Variants in RAP1GDS1 observed in about 807,000 individuals in gnomAD.
RAP1GDS1 encodes Rap1 GTPase-GDP dissociation stimulator 1.
A neutral mutation model predicts 71.1 loss-of-function variants in RAP1GDS1; 35 were observed. That is an observed-to-expected ratio of 0.49 (90% CI 0.38 to 0.65). The LOEUF is 0.65. Among genes scored for constraint, RAP1GDS1 ranks in the 30% least tolerant of loss-of-function variants. The probability of loss-of-function intolerance (pLI) is 0.00; values close to 1 mark genes in which losing one functional copy is unlikely to be tolerated. For synonymous variants in RAP1GDS1, 229 were observed against 243.1 expected (o/e 0.94, Z 0.54); for missense variants, 663 against 706.1 (o/e 0.94, Z 0.69).
chr4:98,301,883 T>C (rs1178879127), intron 2 of RAP1GDS1, among the ~76,000 whole-genome samples: 6 of 152,104 alleles, frequency 3.9e-5, no homozygotes. Flanking sequence ...AATGAAGTGT[T>C]CTGTAGAAAT....
chr4:98,430,655 G>T (rs987280443), intron 12 of RAP1GDS1, among the ~76,000 whole-genome samples: 1 of 152,134 alleles, frequency 6.6e-6, no homozygotes, highest in Non-Finnish European at 1.5e-5. Flanking sequence ...TTTGACCATG[G>T]ATCCTTTCTG....
intron 2 of RAP1GDS1, among the ~76,000 whole-genome samples, chr4:98,301,942 C>T (rs1728638866): frequency 6.6e-6 from 1 of 152,264 alleles, no homozygotes; most frequent in African/African-American, 2.4e-5. Context: ...ACTTTGGTCT[C>T]AGTTCAGAAG....
chr4:98,347,567 C>T (rs1434204818), intron 3 of RAP1GDS1, among the ~76,000 whole-genome samples: 4 of 152,228 alleles, frequency 2.6e-5, no homozygotes, highest in East Asian at 1.9e-4. Flanking sequence ...TACACATATA[C>T]AGAAACACTT....
intron 2 of RAP1GDS1, among the ~76,000 whole-genome samples, chr4:98,319,799 A>G (rs975962242): frequency 6.8e-5 from 10 of 147,366 alleles, no homozygotes; most frequent in East Asian, 2.0e-4. Flanking sequence ...AAAAAAAAAA[A>G]GAGAGAAATT....
In RAP1GDS1 at chr4:98,416,830, A is replaced by C; in HGVS notation, c.849A>C (p.Glu283Asp). ...AGCAAAAAGTGGATAGTGACAAAGAAGATGATATTACTGAGCTCAAAACTG... is the reference window on the plus strand; with the variant it reads ...AGCAAAAAGTGGATAGTGACAAAGACGATGATATTACTGAGCTCAAAACTG... ...IVQQKVDSDK[E>D]DDITELKTGS... Residue 283 changes from glutamate (E) to aspartate (D), a missense_variant, in exon 8 of 15, where the codon GAA becomes GAC. Glu to Asp is a conservative substitution (Grantham distance 45). Coordinates refer to ENST00000408927, the MANE Select transcript of RAP1GDS1 (RefSeq NM_001100427.2). 1 of 1,614,046 alleles carries C rather than the reference A, an allele frequency of 6.2e-7. No individual in the cohort carries two copies. The highest frequency in any genetic ancestry group is 1.3e-5 in the African/African-American group (1 of 75,026).
At chr4:98,334,453 T>C (rs1734423605) in intron 2 of RAP1GDS1, among the ~76,000 whole-genome samples, 1 of 152,234 alleles carries the variant, frequency 6.6e-6, no homozygotes, top group South Asian at 2.1e-4. Context: ...GAATTTTCGG[T>C]AACAAGTCTA....
rs1406693792 is a variant in RAP1GDS1 at position 98,442,225 on chromosome 4, T to C, written c.*108T>C. 4.1e-6 allele frequency: 6 copies of C among 1,467,896 alleles called. No individual in the cohort carries two copies. The Admixed American group carries it at 6.0e-5, about 15-fold the overall frequency. The allele number at this position is 1,467,896 out of a possible 1,614,324, so 90.9% of individuals were successfully genotyped here. ...CCATACCACTTGTGCATGCATGTGA[T>C]GTTCTAATACCAATTGAAGAACCGC... On this transcript the variant is annotated 3_prime_UTR_variant, in exon 15 of 15. Coordinates refer to ENST00000408927, the MANE Select transcript of RAP1GDS1 (RefSeq NM_001100427.2).
intron 5 of RAP1GDS1, among the ~76,000 whole-genome samples, chr4:98,383,000 A>G (rs1309985140): frequency 6.6e-6 from 1 of 151,644 alleles, no homozygotes; most frequent in Non-Finnish European, 1.5e-5. Flanking sequence ...CTGCATTTGT[A>G]CACTTGAATT....
intron 10 of RAP1GDS1, among the ~76,000 whole-genome samples, chr4:98,419,580 T>C (rs920218582): frequency 1.3e-5 from 2 of 152,208 alleles, no homozygotes; most frequent in African/African-American, 4.8e-5. Flanking sequence ...TTAGATGAAA[T>C]AGTACAATTA....
intron 2 of RAP1GDS1, among the ~76,000 whole-genome samples, chr4:98,338,066 A>G (rs75934178): frequency 0.012 from 1,782 of 152,286 alleles, 32 homozygotes; most frequent in African/African-American, 0.04. Flanking sequence ...GCATTTAACA[A>G]GGGTCTGAAC....
At position 98,321,575 on chromosome 4, in the gene RAP1GDS1, G is replaced by A. The variant is rs1253754483; in HGVS notation, c.113-21564G>A. On this transcript the variant is annotated intron_variant, in intron 2 of 14. Coordinates refer to ENST00000408927, the MANE Select transcript of RAP1GDS1 (RefSeq NM_001100427.2). ...CCATCAGACTAACAGCGGATCTCTC[G>A]GCAGAAACCCTACAAGCCAGAAGAG... Among the ~76,000 whole-genome samples the A allele has an allele frequency of 1.2e-3, 182 of 151,382 alleles. 1 individual carries two copies. The South Asian group carries it at 0.016, about 13-fold the overall frequency.
At chr4:98,419,467 T>G (rs1260079800) in intron 10 of RAP1GDS1, among the ~76,000 whole-genome samples, 1 of 152,184 alleles carries the variant, frequency 6.6e-6, no homozygotes, top group Non-Finnish European at 1.5e-5. Context: ...TAAAATAGCC[T>G]TAATGTGCCT....
rs533303703 is a variant in RAP1GDS1, at chr4:98,311,233, G to A, written c.112+17718G>A. On this transcript the variant is annotated intron_variant, in intron 2 of 14. Coordinates refer to ENST00000408927, the MANE Select transcript of RAP1GDS1 (RefSeq NM_001100427.2). Reference sequence around the variant, plus strand: ...CAGTTTTCACACAATTTGTTATCGGGTCTAATCTGTAAATAAGATACTGTC... The same window carrying A: ...CAGTTTTCACACAATTTGTTATCGGATCTAATCTGTAAATAAGATACTGTC... Among the ~76,000 whole-genome samples the A allele has an allele frequency of 2.0e-5, 3 of 152,210 alleles. No homozygotes were observed. The Middle Eastern group carries it at 0.01, about 518-fold the overall frequency.
At chr4:98,331,411 T>C (rs1578473592) in intron 2 of RAP1GDS1, among the ~76,000 whole-genome samples, 1 of 151,704 alleles carries the variant, frequency 6.6e-6, no homozygotes, top group South Asian at 2.1e-4. Context: ...AATACTTTTA[T>C]AAAAATTCAA....
At chr4:98,341,496 G>A (rs72688413) in intron 2 of RAP1GDS1, among the ~76,000 whole-genome samples, 4 of 152,226 alleles carry the variant, frequency 2.6e-5, no homozygotes, top group East Asian at 1.9e-4. Flanking sequence ...TTAACTGCTC[G>A]CCTCCACACA....
chr4:98,307,469 A>C (rs1421606237), intron 2 of RAP1GDS1, among the ~76,000 whole-genome samples: 1 of 152,126 alleles, frequency 6.6e-6, no homozygotes, highest in Non-Finnish European at 1.5e-5. Context: ...TTTGGGGAGA[A>C]TTGAAAACTT....
chr4:98,355,322 G>A (rs953779588), intron 4 of RAP1GDS1, among the ~76,000 whole-genome samples: 2 of 152,094 alleles, frequency 1.3e-5, no homozygotes, highest in Admixed American at 1.3e-4. Context: ...AATAAAGTAT[G>A]TTCTAAAGAG....
intron 4 of RAP1GDS1, among the ~76,000 whole-genome samples, chr4:98,373,405 C>T (rs1291797503): frequency 2.0e-5 from 3 of 151,362 alleles, no homozygotes; most frequent in African/African-American, 4.9e-5. Flanking sequence ...CTCCCTCTCT[C>T]TCCCTCCCTC....
At chr4:98,343,312 TCTTA>T (rs770432122) in intron 3 of RAP1GDS1, 51 bp downstream of exon 3, 2 of 1,525,736 alleles carry the variant, frequency 1.3e-6, no homozygotes, top group East Asian at 2.3e-5. Context: ...CAGTTTTACA[TCTTA>T]CTTGTCAGTA....
Sources: gnomAD v4.1 joint callset for allele counts (sites outside exome capture counted in the v4.1 genomes callset) on GRCh38, gnomAD v4.1.1 for gene constraint, MANE v1.5 for transcripts, NCBI Gene and HGNC (gene_info 2026-07-23, HGNC 2026-07-21) for gene names.